EXD3: variants seen among roughly 807,000 people sequenced by gnomAD.
The protein encoded by EXD3 is exonuclease mut-7 homolog.
Under a neutral mutation model 98.0 loss-of-function variants are expected in EXD3, and 92 were observed. The ratio of observed to expected loss-of-function variants is 0.94; its 90% CI spans 0.79 to 1.12. EXD3 has a LOEUF of 1.12. Ranked by LOEUF, EXD3 falls within the 50% of genes most tolerant of loss-of-function variation. EXD3 has a pLI of 0.00. For missense variants in EXD3, 1,222 were observed against 1,191.6 expected (o/e 1.03, Z -0.38); for synonymous variants, 569 against 526.0 (o/e 1.08, Z -1.12).
chr9:137,396,258 G>A (rs13301273), intron 1 of EXD3, among the ~76,000 whole-genome samples: 65,085 of 152,052 alleles, frequency 0.43, 14,323 homozygotes, highest in Middle Eastern at 0.54. Flanking sequence ...GTGAGCCACC[G>A]CGCCTGGCCC....
chr9:137,411,416 C>T (rs1029980761), intron 1 of EXD3, among the ~76,000 whole-genome samples: 16 of 151,934 alleles, frequency 1.1e-4, no homozygotes, highest in African/African-American at 2.9e-4. Flanking sequence ...GCCAGACACC[C>T]GGCGGCCTCC....
intron 3 of EXD3, among the ~76,000 whole-genome samples, chr9:137,380,307 G>A (rs1315663577): frequency 7.8e-6 from 1 of 127,724 alleles, no homozygotes; most frequent in African/African-American, 3.0e-5. Flanking sequence ...GCCCCTCTGG[G>A]CGTCCCCCCC....
In EXD3 at chr9:137,354,454, G is replaced by C. The variant is rs918585809; in HGVS notation, c.832-77C>G. 3.1e-6 allele frequency: 5 copies of C among 1,597,744 alleles called. No individual in the cohort carries two copies. In the East Asian group the frequency reaches 1.1e-4, roughly 36 times the overall value. Reference sequence around the variant, plus strand: ...TCGGGGCCTGGTGGGAGTTTTCCTCGACCCCTGGCAGGGTACATCCTTGGC... The same window carrying C: ...TCGGGGCCTGGTGGGAGTTTTCCTCCACCCCTGGCAGGGTACATCCTTGGC... On this transcript the variant is annotated intron_variant, in intron 9 of 21. Coordinates refer to ENST00000340951, the MANE Select transcript of EXD3 (RefSeq NM_017820.5).
At chr9:137,404,548 A>C (rs1564213440) in intron 1 of EXD3, among the ~76,000 whole-genome samples, 1 of 152,232 alleles carries the variant, frequency 6.6e-6, no homozygotes, top group Non-Finnish European at 1.5e-5. Flanking sequence ...GCAAATTCTG[A>C]AAAATCATGC....
At position 137,350,971 on chromosome 9, in the gene EXD3, G is replaced by C. The variant is rs566371902; in HGVS notation, c.1494+67C>G. On this transcript the variant is annotated intron_variant, in intron 14 of 21. Coordinates refer to ENST00000340951, the MANE Select transcript of EXD3 (RefSeq NM_017820.5). ...CCAGGGCCGCTGGGAAGGTGTGGAG[G>C]GGCCCCAAGCAGCCCTCGAACCCCA... is the stretch of plus-strand genomic sequence containing the variant. The C allele has an allele frequency of 2.1e-5, 29 of 1,402,290 alleles. 1 individual carries two copies. The South Asian group carries it at 3.2e-4, about 15-fold the overall frequency. The allele number at this position is 1,402,290 out of a possible 1,614,324, so 86.9% of individuals were successfully genotyped here. A position where few individuals can be genotyped will look rare whatever the true frequency, so the allele number is the denominator to read the frequency against.
chr9:137,347,973 A>C lies in EXD3; in HGVS notation c.1998+98T>G. 1.5e-6 allele frequency: 2 copies of C among 1,370,000 alleles called. No homozygotes were observed. The highest frequency in any genetic ancestry group is 2.0e-6 in the Non-Finnish European group (2 of 1,017,800). The allele number at this position is 1,370,000 out of a possible 1,614,324, so 84.9% of individuals were successfully genotyped here. A position where few individuals can be genotyped will look rare whatever the true frequency, so the allele number is the denominator to read the frequency against. ...TGCCTGGCACAGCTGGCAGCCATGG[A>C]TGAGCTGGAGGGAGGAGTTTGATGC... On this transcript the variant is annotated intron_variant, in intron 17 of 21. Coordinates refer to ENST00000340951, the MANE Select transcript of EXD3 (RefSeq NM_017820.5). This position sits in a 1 kb window ranked among gnomAD's most constrained non-coding sequence, Gnocchi z 4.2.
chr9:137,355,382 C>A (rs576936246), intron 8 of EXD3, among the ~76,000 whole-genome samples: 1 of 148,370 alleles, frequency 6.7e-6, no homozygotes, highest in Non-Finnish European at 1.5e-5. Context: ...AGCGCAGCCA[C>A]GGGGAGCCGG....
rs1391652433 is a variant in EXD3, at chr9:137,323,766, T to C, written c.2143A>G (p.Asn715Asp). 6.2e-6 allele frequency: 10 copies of C among 1,612,322 alleles called. No homozygotes were observed. Among genetic ancestry groups the C allele is most frequent in the Non-Finnish European group, 8.5e-6 (10 of 1,179,704 alleles). ...ATGTCTGCGTGGGTGACACGCACGT[T>C]GAAATGCTTGAGCACAGCCTTGGCC... is the stretch of plus-strand genomic sequence containing the variant. ...QQAKAVLKHF[N>D]VRVTHADIFS... The change falls in exon 19 of 22, where the codon AAC becomes GAC. Residue 715 changes from asparagine (N) to aspartate (D), a missense_variant. Asn to Asp is a conservative substitution (Grantham distance 23, BLOSUM62 1). Coordinates refer to ENST00000340951, the MANE Select transcript of EXD3 (RefSeq NM_017820.5).
Position 137,340,370 on chromosome 9 carries a change from A to G in EXD3, c.1998+7701T>C, listed in dbSNP as rs189132805. Reference sequence around the variant, plus strand: ...TGCGTGCCTGTAATCCCAGCTACTCAGGAGGCTGAGGCAGAAGAATCACTT... The same window carrying G: ...TGCGTGCCTGTAATCCCAGCTACTCGGGAGGCTGAGGCAGAAGAATCACTT... On this transcript the variant is annotated intron_variant, in intron 17 of 21. Transcript: ENST00000340951. 3.9e-3 allele frequency among the ~76,000 whole-genome samples: 589 copies of G among 152,094 alleles called. 7 individuals are homozygous for G. Among genetic ancestry groups the G allele is most frequent in the South Asian group, 0.014 (68 of 4,810 alleles).
chr9:137,398,502 G>C (rs540648195), intron 1 of EXD3, among the ~76,000 whole-genome samples: 1 of 152,210 alleles, frequency 6.6e-6, no homozygotes, highest in East Asian at 1.9e-4. Context: ...ACGTCCCCAT[G>C]ACACATGTGC....
chr9:137,393,276 G>C lies in EXD3; in HGVS notation c.55+2027C>G. 1.4e-6 allele frequency: 1 copy of C among 701,398 alleles called. No homozygotes were observed. Among genetic ancestry groups the C allele is most frequent in the Non-Finnish European group, 2.6e-6 (1 of 384,348 alleles). The allele number at this position is 701,398 out of a possible 1,614,324, so 43.4% of individuals were successfully genotyped here. A position where few individuals can be genotyped will look rare whatever the true frequency, so the allele number is the denominator to read the frequency against. ...CAGCTCTGTGCTGAGGCGAACCCAG[G>C]GTCCCATGCGCTCCCCGGCCCTGAC... On this transcript the variant is annotated intron_variant, in intron 2 of 21. Transcript: ENST00000340951. The surrounding 1 kb of genome is among the most constrained non-coding windows in gnomAD (Gnocchi z 4.6).
At chr9:137,406,168 A>G (rs915160081) in intron 1 of EXD3, among the ~76,000 whole-genome samples, 3 of 151,244 alleles carry the variant, frequency 2.0e-5, no homozygotes, top group African/African-American at 7.3e-5. Context: ...GTGACCCAAG[A>G]TTGGGCCACT....
intron 19 of EXD3, among the ~76,000 whole-genome samples, chr9:137,310,853 T>C (rs1188302953): frequency 2.0e-5 from 3 of 152,126 alleles, no homozygotes; most frequent in Non-Finnish European, 4.4e-5. Flanking sequence ...AGGCCATCTG[T>C]GCAGGGGAGC....
intron 1 of EXD3, among the ~76,000 whole-genome samples, chr9:137,400,328 CA>C (rs1343774181): frequency 6.6e-6 from 1 of 152,182 alleles, no homozygotes; most frequent in African/African-American, 2.4e-5. Flanking sequence ...CTCAAAGTCT[CA>C]ACTGATTTCA....
Position 137,366,769 on chromosome 9 carries a change from C to T in EXD3, c.517-137G>A, listed in dbSNP as rs111791359. On this transcript the variant is annotated intron_variant, in intron 6 of 21. Transcript: ENST00000340951. Reference sequence around the variant, plus strand: ...CCGTCCAGGCCCAGCAGTGCTCGCCCGGCCAGTGCTCACGCTCACACACAC... The same window carrying T: ...CCGTCCAGGCCCAGCAGTGCTCGCCTGGCCAGTGCTCACGCTCACACACAC... 862 of 1,124,916 alleles carry T rather than the reference C, an allele frequency of 7.7e-4. 8 individuals are homozygous for T. The African/African-American group carries it at 0.011, about 15-fold the overall frequency. The allele number at this position is 1,124,916 out of a possible 1,614,324, so 69.7% of individuals were successfully genotyped here.
rs1281314311 is a variant in EXD3 at position 137,385,647 on chromosome 9, C to T, written c.56-2270G>A. On this transcript the variant is annotated intron_variant, in intron 2 of 21. Coordinates refer to ENST00000340951, the MANE Select transcript of EXD3 (RefSeq NM_017820.5). This position sits in a 1 kb window ranked among gnomAD's most constrained non-coding sequence, Gnocchi z 4.4. Reference sequence around the variant, plus strand: ...ACCTCTCAGGTTCGTGATTCTCGTGCCTCAGCCTCCGGAGTAGCTGGGAGT... The same window carrying T: ...ACCTCTCAGGTTCGTGATTCTCGTGTCTCAGCCTCCGGAGTAGCTGGGAGT... 6.6e-6 allele frequency among the ~76,000 whole-genome samples: 1 copy of T among 152,142 alleles called. No homozygotes were observed. Among genetic ancestry groups the T allele is most frequent in the Non-Finnish European group, 1.5e-5 (1 of 68,028 alleles).
chr9:137,346,520 G>T (rs1833938589), intron 17 of EXD3, among the ~76,000 whole-genome samples: 1 of 152,260 alleles, frequency 6.6e-6, no homozygotes, highest in African/African-American at 2.4e-5. Context: ...TGTTTCAGCT[G>T]CATTGACCAG....
chr9:137,319,379 A>G (rs917860644), intron 19 of EXD3, among the ~76,000 whole-genome samples: 1 of 152,174 alleles, frequency 6.6e-6, no homozygotes, highest in African/African-American at 2.4e-5. Context: ...TTTGGCCCTG[A>G]GGATGGGCCT....
At position 137,405,246 on chromosome 9, in the gene EXD3, G is replaced by A. The variant is rs1468958123; in HGVS notation, c.-47-9842C>T. On this transcript the variant is annotated intron_variant, in intron 1 of 21. Coordinates refer to ENST00000340951, the MANE Select transcript of EXD3 (RefSeq NM_017820.5). The surrounding 1 kb of genome is among the most constrained non-coding windows in gnomAD (Gnocchi z 4.1). ...CCGGCACAGTGGGCTCTGACCCACA[G>A]AGGGCTGGGCCAGCACCCCCGGGGG... Among the ~76,000 whole-genome samples the A allele has an allele frequency of 1.3e-5, 2 of 152,328 alleles. No homozygotes were observed. The highest frequency in any genetic ancestry group is 4.8e-5 in the African/African-American group (2 of 41,584).
Sources: gnomAD v4.1 joint callset for allele counts (sites outside exome capture counted in the v4.1 genomes callset) on GRCh38, gnomAD v4.1.1 for gene constraint, Gnocchi (gnomAD v3.1) non-coding constraint, MANE v1.5 for transcripts, NCBI Gene and HGNC (gene_info 2026-07-23, HGNC 2026-07-21) for gene names.